ZC3H7B: variants seen among roughly 807,000 people sequenced by gnomAD.
ZC3H7B encodes the protein zinc finger CCCH-type containing 7B.
Under a neutral mutation model 116.0 loss-of-function variants are expected in ZC3H7B, and 35 were observed. That is an observed-to-expected ratio of 0.30 (90% CI 0.23 to 0.40). The LOEUF is 0.40. ZC3H7B is among the 10% of genes least tolerant of loss of function. The pLI, the probability that ZC3H7B is intolerant of heterozygous loss-of-function variation, is 1.00. For missense variants in ZC3H7B, 1,011 were observed against 1,321.5 expected (o/e 0.77, Z 3.64); for synonymous variants, 502 against 545.6 (o/e 0.92, Z 1.11).
rs576123232 is a variant in ZC3H7B, at chr22:41,310,322, T to C, written c.-7+8550T>C. On this transcript the variant is annotated intron_variant, in intron 1 of 22. Coordinates refer to ENST00000352645, the MANE Select transcript of ZC3H7B (RefSeq NM_017590.6). The stretch of plus-strand genomic sequence containing the variant: ...CCCCTTCAGGGGGAGGCACACCAGG[T>C]GGAGCTGCAAAATTGTCTTGTCAGG... Among the ~76,000 whole-genome samples, 20 of 152,284 alleles carry C rather than the reference T, an allele frequency of 1.3e-4. No homozygotes were observed. In the South Asian group the frequency reaches 2.7e-3, roughly 21 times the overall value.
At chr22:41,324,032 T>C (rs2036289179) in intron 2 of ZC3H7B, among the ~76,000 whole-genome samples, 1 of 151,602 alleles carries the variant, frequency 6.6e-6, no homozygotes, top group African/African-American at 2.4e-5. Context: ...ATTGGGCCAC[T>C]GCACTCCAGC....
At chr22:41,326,007 G>A (rs2036313153) in intron 4 of ZC3H7B, 89 bp downstream of exon 4, 4 of 1,451,966 alleles carry the variant, frequency 2.8e-6, no homozygotes, top group Non-Finnish European at 3.7e-6. Flanking sequence ...CAGTGAGCCT[G>A]TAGACCAGGG....
intron 3 of ZC3H7B, 38 bp from the exon 4 acceptor site, chr22:41,325,683 A>G: frequency 1.9e-6 from 3 of 1,608,270 alleles, no homozygotes; most frequent in Non-Finnish European, 2.5e-6. Flanking sequence ...AGCTGGGGCC[A>G]GAGGTCATGA....
chr22:41,304,589 G>C (rs1333821461), intron 1 of ZC3H7B, among the ~76,000 whole-genome samples: 1 of 152,198 alleles, frequency 6.6e-6, no homozygotes, highest in Non-Finnish European at 1.5e-5. Context: ...AGTGGGAGTG[G>C]AGAGAAGACA....
chr22:41,348,408 G>A (rs2036615696), intron 15 of ZC3H7B, among the ~76,000 whole-genome samples: 1 of 152,244 alleles, frequency 6.6e-6, no homozygotes, highest in African/African-American at 2.4e-5. Flanking sequence ...TCCTGTGAGG[G>A]AGGAGTTACT....
rs1601776214 is a variant in ZC3H7B, at chr22:41,327,900, G to A, written c.444+536G>A. 6.6e-6 allele frequency among the ~76,000 whole-genome samples: 1 copy of A among 152,318 alleles called. No homozygotes were observed. The highest frequency in any genetic ancestry group is 6.5e-5 in the Admixed American group (1 of 15,294). On this transcript the variant is annotated intron_variant, in intron 5 of 22. Transcript: ENST00000352645. This position sits in a 1 kb window ranked among gnomAD's most constrained non-coding sequence, Gnocchi z 4.5. Reference sequence around the variant, plus strand: ...GCACTGTGGGAGGCCAAGGCGGGAGGATCACTTGAGCTCAGGAGTTTGCAA... The same window carrying A: ...GCACTGTGGGAGGCCAAGGCGGGAGAATCACTTGAGCTCAGGAGTTTGCAA...
rs2036651407 is a variant in ZC3H7B, at chr22:41,351,305, A to G, written c.1949-256A>G. 1.3e-5 allele frequency among the ~76,000 whole-genome samples: 2 copies of G among 152,204 alleles called. No individual in the cohort carries two copies. Among genetic ancestry groups the G allele is most frequent in the African/African-American group, 4.8e-5 (2 of 41,452 alleles). ...GGACTCCCTACCACAGTACAGAGCC[A>G]ATATCTTTCTACTGCATTTTCCCAC... On this transcript the variant is annotated intron_variant, in intron 16 of 22. Transcript: ENST00000352645. This position sits in a 1 kb window ranked among gnomAD's most constrained non-coding sequence, Gnocchi z 5.1.
chr22:41,310,372 A>C (rs1601761503), intron 1 of ZC3H7B, among the ~76,000 whole-genome samples: 1 of 152,300 alleles, frequency 6.6e-6, no homozygotes, highest in East Asian at 1.9e-4. Flanking sequence ...CCTGTCTCCC[A>C]GATGACAAAA....
intron 1 of ZC3H7B, among the ~76,000 whole-genome samples, chr22:41,312,771 C>G (rs9611554): frequency 0.025 from 3,743 of 151,810 alleles, 67 homozygotes; most frequent in Non-Finnish European, 0.036. Flanking sequence ...ATTAGCCAAG[C>G]GTGATGGTGC....
chr22:41,356,526 G>A, intron 21 of ZC3H7B, 50 bp downstream of exon 21: 1 of 1,611,806 alleles, frequency 6.2e-7, no homozygotes, highest in African/African-American at 1.3e-5. Context: ...GCTGTGGTCT[G>A]AGCCTCACCT....
intron 1 of ZC3H7B, among the ~76,000 whole-genome samples, chr22:41,303,492 C>A (rs1321988643): frequency 6.6e-6 from 1 of 152,132 alleles, no homozygotes; most frequent in Non-Finnish European, 1.5e-5. Context: ...TGAAAATAAT[C>A]CCTCAATCTG....
At chr22:41,322,516 T>C (rs2036270991) in intron 2 of ZC3H7B, among the ~76,000 whole-genome samples, 1 of 152,060 alleles carries the variant, frequency 6.6e-6, no homozygotes, top group Non-Finnish European at 1.5e-5. Flanking sequence ...TTTCTCTTTT[T>C]TTTTACACAC....
chr22:41,343,356 C>A, intron 12 of ZC3H7B, 59 bp from the exon 13 acceptor site: 1 of 1,561,610 alleles, frequency 6.4e-7, no homozygotes, highest in South Asian at 1.2e-5. Flanking sequence ...ATGGGCCTGC[C>A]AGCCATCACT....
intron 13 of ZC3H7B, 53 bp from the exon 14 acceptor site, chr22:41,345,950 T>C (rs1278241794): frequency 6.3e-7 from 1 of 1,590,928 alleles, no homozygotes; most frequent in African/African-American, 1.3e-5. Context: ...GCGAGGGTGC[T>C]GCGGGCTGCT....
chr22:41,354,950 C>T (rs376679307), intron 17 of ZC3H7B, among the ~76,000 whole-genome samples: 11 of 152,290 alleles, frequency 7.2e-5, no homozygotes, highest in African/African-American at 2.6e-4. Context: ...ATCTCCTGGA[C>T]CCCCCGCTCT....
rs552010018 is a variant in ZC3H7B at position 41,319,217 on chromosome 22, C to T, written c.-6-1438C>T. On this transcript the variant is annotated intron_variant, in intron 1 of 22. Transcript: ENST00000352645. ...GCGATCGAGACCATCCTGGCTAACA[C>T]GGTGAAACCCCCTCTCTACTAAAAA... is the stretch of plus-strand genomic sequence containing the variant. 1.0e-3 allele frequency among the ~76,000 whole-genome samples: 155 copies of T among 152,118 alleles called. 1 individual carries two copies. The highest frequency in any genetic ancestry group is 3.9e-4 in the East Asian group (2 of 5,166).
chr22:41,324,474 T>G (rs2036293687), intron 2 of ZC3H7B, among the ~76,000 whole-genome samples: 1 of 152,098 alleles, frequency 6.6e-6, no homozygotes, highest in African/African-American at 2.4e-5. Context: ...CTTGGGCGAG[T>G]CCTTGCGCCA....
Position 41,325,906 on chromosome 22 carries a change from C to T in ZC3H7B, c.273C>T (p.Cys91=). 4 of 1,606,606 alleles carry T rather than the reference C, an allele frequency of 2.5e-6. No individual in the cohort carries two copies. Among genetic ancestry groups the T allele is most frequent in the Non-Finnish European group, 3.4e-6 (4 of 1,177,538 alleles). ...LCKLHVNRAA[C]YFTMGLYEKA... Reference sequence around the variant, plus strand: ...AGCTGCATGTCAATAGGGCCGCCTGCTACTTCACCATGGTGAGCCTGGCAC... The same window carrying T: ...AGCTGCATGTCAATAGGGCCGCCTGTTACTTCACCATGGTGAGCCTGGCAC... Residue 91 remains cysteine (C), a synonymous_variant, in exon 4 of 23, where the codon TGC becomes TGT. Coordinates refer to ENST00000352645, the MANE Select transcript of ZC3H7B (RefSeq NM_017590.6).
chr22:41,312,218 G>A (rs2036128429), intron 1 of ZC3H7B, among the ~76,000 whole-genome samples: 1 of 151,142 alleles, frequency 6.6e-6, no homozygotes, highest in South Asian at 2.1e-4. Flanking sequence ...CGTAATCCCA[G>A]TACTTTGGGA....
Sources: allele counts gnomAD v4.1 joint callset (sites outside exome capture counted in the v4.1 genomes callset), GRCh38; gene constraint gnomAD v4.1.1; non-coding constraint Gnocchi (gnomAD v3.1); transcripts MANE v1.5; gene names NCBI Gene and HGNC (gene_info 2026-07-23, HGNC 2026-07-21).